Variants in CAMTA1 observed in about 807,000 individuals in gnomAD.
CAMTA1 encodes the protein calmodulin binding transcription activator 1, also known as calmodulin-binding transcription activator 1.
Under a neutral mutation model 170.9 loss-of-function variants are expected in CAMTA1, and 27 were observed. That is an observed-to-expected ratio of 0.16 (90% confidence interval 0.12 to 0.22). The LOEUF (loss-of-function observed/expected upper bound fraction) is 0.22. Ranked by LOEUF, CAMTA1 falls within the 10% of genes least tolerant of loss-of-function variation. CAMTA1 has a pLI of 1.00. For missense variants in CAMTA1, 1,619 were observed against 2,217.2 expected (o/e 0.73, Z 5.42); for synonymous variants, 833 against 891.5 (o/e 0.93, Z 1.17).
At chr1:7,529,456 C>T (rs1396689339) in intron 6 of CAMTA1, among the ~76,000 whole-genome samples, 1 of 152,198 alleles carries the variant, frequency 6.6e-6, no homozygotes, top group Non-Finnish European at 1.5e-5. Flanking sequence ...TGAGCCCCCA[C>T]AGAACCCTTC....
chr1:6,856,931 G>A (rs1476581982), intron 3 of CAMTA1, among the ~76,000 whole-genome samples: 3 of 152,128 alleles, frequency 2.0e-5, no homozygotes, highest in Non-Finnish European at 4.4e-5. Flanking sequence ...CTAGAGGGTA[G>A]GGGGAGGTAG....
At chr1:7,240,521 T>C (rs1279130749) in intron 4 of CAMTA1, among the ~76,000 whole-genome samples, 2 of 149,682 alleles carry the variant, frequency 1.3e-5, no homozygotes, top group African/African-American at 4.9e-5. Context: ...CCAGAGTCTT[T>C]TTTTTTTTTT....
chr1:6,831,335 G>T (rs1377247873), intron 3 of CAMTA1, among the ~76,000 whole-genome samples: 1 of 152,206 alleles, frequency 6.6e-6, no homozygotes, highest in Non-Finnish European at 1.5e-5. Flanking sequence ...TTCATCAGGT[G>T]AACTGCTATA....
At position 7,038,061 on chromosome 1, in the gene CAMTA1, C is replaced by A. The variant is rs143739226; in HGVS notation, c.235-53243C>A. The stretch of plus-strand genomic sequence containing the variant: ...TTTCCTCAACTATAAAATGAGGCTA[C>A]GTTAGTGCCTACTTAATGAAGTTCT... On this transcript the variant is annotated intron_variant, in intron 3 of 22. Coordinates refer to ENST00000303635, the MANE Select transcript of CAMTA1 (RefSeq NM_015215.4). 3.4e-3 allele frequency among the ~76,000 whole-genome samples: 521 copies of A among 152,066 alleles called. 9 individuals are homozygous for A. The highest frequency in any genetic ancestry group is 0.012 in the African/African-American group (484 of 41,470).
intron 3 of CAMTA1, among the ~76,000 whole-genome samples, chr1:7,024,042 A>AG (rs112558440): frequency 3.3e-4 from 49 of 150,362 alleles, no homozygotes; most frequent in African/African-American, 5.9e-4. Flanking sequence ...AAAAAAAAAA[A>AG]AAAGAAAGAA....
rs78034859 is a variant in CAMTA1, at chr1:7,191,169, G to A, written c.303-58322G>A. ...TGGGAAGAGTGCCAGGAGCTTGTCA[G>A]CCATCTCTATCAGAAATAAATGGTG... On this transcript the variant is annotated intron_variant, in intron 4 of 22. Transcript: ENST00000303635. Among the ~76,000 whole-genome samples, 964 of 152,314 alleles carry A rather than the reference G, an allele frequency of 6.3e-3. 13 individuals are homozygous for A. Among genetic ancestry groups the A allele is most frequent in the African/African-American group, 0.021 (876 of 41,572 alleles).
At chr1:7,453,565 C>T (rs2092880006) in intron 5 of CAMTA1, among the ~76,000 whole-genome samples, 1 of 152,258 alleles carries the variant, frequency 6.6e-6, no homozygotes, top group African/African-American at 2.4e-5. Flanking sequence ...GCCAAACAGG[C>T]CTTCCCTGGT....
rs547048949 is a variant in CAMTA1 at position 7,562,670 on chromosome 1, C to T, written c.511-77730C>T. Among the ~76,000 whole-genome samples, 1 of 152,220 alleles carries T rather than the reference C, an allele frequency of 6.6e-6. No homozygotes were observed. Among genetic ancestry groups the T allele is most frequent in the Non-Finnish European group, 1.5e-5 (1 of 68,046 alleles). On this transcript the variant is annotated intron_variant, in intron 6 of 22. Transcript: ENST00000303635. The surrounding 1 kb of genome is among the most constrained non-coding windows in gnomAD (Gnocchi z 4.8). ...GATACCCAAATTGTACGCCACTGCT[C>T]AGATGGTTTATCTGACCCCGCAGCT...
chr1:6,965,576 G>A lies in CAMTA1; in HGVS notation c.235-125728G>A, dbSNP rs1227956629. ...GGAGGGGACAGGTTGGTGATTGTGT[G>A]CCCTGGTTTCTCTAAAGGAAAAAAA... On this transcript the variant is annotated intron_variant, in intron 3 of 22. Transcript: ENST00000303635. The surrounding 1 kb of genome is among the most constrained non-coding windows in gnomAD (Gnocchi z 4.1). 2.0e-5 allele frequency among the ~76,000 whole-genome samples: 3 copies of A among 152,006 alleles called. No homozygotes were observed. The highest frequency in any genetic ancestry group is 3.9e-4 in the East Asian group (2 of 5,178).
intron 6 of CAMTA1, among the ~76,000 whole-genome samples, chr1:7,568,415 A>G (rs2095073384): frequency 6.6e-6 from 1 of 150,430 alleles, no homozygotes; most frequent in Non-Finnish European, 1.5e-5. Context: ...CAACATCACC[A>G]TCATCATCAC....
chr1:7,515,788 A>G (rs1220414096), intron 6 of CAMTA1, among the ~76,000 whole-genome samples: 2 of 152,176 alleles, frequency 1.3e-5, no homozygotes, highest in Non-Finnish European at 1.5e-5. Flanking sequence ...CTGGTCTGCT[A>G]AGACTCCACG....
rs568927894 is a variant in CAMTA1 at position 7,133,803 on chromosome 1, G to A, written c.302+42432G>A. ...TCCCATGTGGCCCTCTCAAATGGTG[G>A]ATGTTTTCTCTCTCACACTTTTTGT... is the stretch of plus-strand genomic sequence containing the variant. On this transcript the variant is annotated intron_variant, in intron 4 of 22. Transcript: ENST00000303635. Among the ~76,000 whole-genome samples, 3 of 152,308 alleles carry A rather than the reference G, an allele frequency of 2.0e-5. No homozygotes were observed. In the South Asian group the frequency reaches 6.2e-4, roughly 32 times the overall value.
At chr1:7,134,747 C>G (rs1168778712) in intron 4 of CAMTA1, among the ~76,000 whole-genome samples, 1 of 152,162 alleles carries the variant, frequency 6.6e-6, no homozygotes, top group Non-Finnish European at 1.5e-5. Context: ...CAAAAAGACA[C>G]ATGCAATTAT....
At chr1:7,423,262 G>A (rs2091682231) in intron 5 of CAMTA1, among the ~76,000 whole-genome samples, 1 of 152,184 alleles carries the variant, frequency 6.6e-6, no homozygotes. Context: ...CCAGAGGTCA[G>A]GAGCTCGAGA....
intron 6 of CAMTA1, among the ~76,000 whole-genome samples, chr1:7,472,919 C>T (rs956684663): frequency 7.2e-5 from 11 of 152,168 alleles, no homozygotes; most frequent in African/African-American, 2.7e-4. Context: ...CCCCAAAGGG[C>T]CCCCATGTCC....
intron 4 of CAMTA1, among the ~76,000 whole-genome samples, chr1:7,139,301 TTA>T (rs1645754513): frequency 6.9e-6 from 1 of 144,698 alleles, no homozygotes; most frequent in Non-Finnish European, 1.5e-5. Flanking sequence ...ATTTATAAAA[TTA>T]TATAATATAT....
At chr1:7,745,206 T>A (rs1304949902) in intron 17 of CAMTA1, among the ~76,000 whole-genome samples, 184 bp downstream of exon 17, 1 of 151,980 alleles carries the variant, frequency 6.6e-6, no homozygotes, top group Non-Finnish European at 1.5e-5. Context: ...TCTCCCATTA[T>A]TTTTTTTACT....
intron 2 of CAMTA1, 114 bp from the exon 3 acceptor site, chr1:6,824,978 A>T (rs967550461): frequency 7.0e-6 from 4 of 573,998 alleles, no homozygotes; most frequent in African/African-American, 3.9e-5. Context: ...GGGGCCTCTG[A>T]TGCTCTTGGT....
Position 7,173,165 on chromosome 1 carries a change from C to A in CAMTA1, c.303-76326C>A, listed in dbSNP as rs1275833622. Reference sequence around the variant, plus strand: ...GAAAGAGCCTTTGGCTGCCCTCTGTCCTCTTGAGGGTCACTATGTCTATGT... The same window carrying A: ...GAAAGAGCCTTTGGCTGCCCTCTGTACTCTTGAGGGTCACTATGTCTATGT... On this transcript the variant is annotated intron_variant, in intron 4 of 22. Transcript: ENST00000303635. This position sits in a 1 kb window ranked among gnomAD's most constrained non-coding sequence, Gnocchi z 5.4. 8.5e-5 allele frequency among the ~76,000 whole-genome samples: 13 copies of A among 152,206 alleles called. No individual in the cohort carries two copies. Among genetic ancestry groups the A allele is most frequent in the Admixed American group, 8.5e-4 (13 of 15,284 alleles).
Sources: allele counts gnomAD v4.1 joint callset (sites outside exome capture counted in the v4.1 genomes callset), GRCh38; gene constraint gnomAD v4.1.1; non-coding constraint Gnocchi (gnomAD v3.1); transcripts MANE v1.5; gene names NCBI Gene and HGNC (gene_info 2026-07-23, HGNC 2026-07-21).